The following RALYL variants were observed in gnomAD, a reference collection of about 807,000 sequenced individuals.
RALYL encodes RNA-binding Raly-like protein.
Under a neutral mutation model 35.1 loss-of-function variants are expected in RALYL, and 29 were observed. The ratio of observed to expected loss-of-function variants is 0.83; its 90% CI spans 0.61 to 1.13. RALYL has a LOEUF of 1.13. Among genes scored for constraint, RALYL ranks in the 50% most tolerant of loss-of-function variants. The pLI, the probability that RALYL is intolerant of heterozygous loss-of-function variation, is 0.00. For missense variants in RALYL, 359 were observed against 360.4 expected (o/e 1.00, Z 0.03); for synonymous variants, 120 against 127.6 (o/e 0.94, Z 0.40).
chr8:84,481,841 A>G (rs1363859217), intron 1 of RALYL, among the ~76,000 whole-genome samples: 1 of 152,148 alleles, frequency 6.6e-6, no homozygotes, highest in Non-Finnish European at 1.5e-5. Context: ...GGAATTGACA[A>G]GAAAATATTC....
intron 2 of RALYL, among the ~76,000 whole-genome samples, chr8:84,662,096 C>A (rs1831055570): frequency 6.6e-6 from 1 of 152,150 alleles, no homozygotes; most frequent in African/African-American, 2.4e-5. Flanking sequence ...CGTGTGACCT[C>A]TTTTCTAGCT....
chr8:84,740,511 C>G (rs1264139497), intron 2 of RALYL, among the ~76,000 whole-genome samples: 1 of 151,958 alleles, frequency 6.6e-6, no homozygotes. Context: ...TTAAAGGTAA[C>G]TTTTTATTGT....
intron 1 of RALYL, among the ~76,000 whole-genome samples, chr8:84,386,067 C>G (rs1859131048): frequency 1.3e-5 from 2 of 151,766 alleles, no homozygotes; most frequent in African/African-American, 4.8e-5. Context: ...GGCATCTTGG[C>G]AAAGCTGGGT....
chr8:84,871,278 G>A (rs1840142965), intron 6 of RALYL, among the ~76,000 whole-genome samples: 3 of 152,050 alleles, frequency 2.0e-5, no homozygotes, highest in South Asian at 2.1e-4. Context: ...GTTTTCTAAT[G>A]TAGTTTCAAT....
intron 2 of RALYL, among the ~76,000 whole-genome samples, chr8:84,601,388 A>T (rs945196733): frequency 6.6e-6 from 1 of 152,134 alleles, no homozygotes. Flanking sequence ...TCAAAAATGT[A>T]CTTAACAGTG....
chr8:84,793,998 T>C (rs553722798), intron 3 of RALYL, among the ~76,000 whole-genome samples: 10 of 152,284 alleles, frequency 6.6e-5, no homozygotes, highest in Middle Eastern at 3.4e-3. Flanking sequence ...GTTTCAAATG[T>C]TTTATTAAGA....
intron 2 of RALYL, among the ~76,000 whole-genome samples, chr8:84,568,781 T>A (rs1204891144): frequency 6.9e-6 from 1 of 144,810 alleles, no homozygotes; most frequent in Admixed American, 6.9e-5. Context: ...TGGTTTTGAT[T>A]TGCATTTCTC....
At position 84,748,208 on chromosome 8, in the gene RALYL, A is replaced by T. The variant is rs147643743; in HGVS notation, c.257-26371A>T. The stretch of plus-strand genomic sequence containing the variant: ...TCTTTTGACTCTTGGCCATGATTCA[A>T]CAGAGAGTATATGAATACAAGCATA... On this transcript the variant is annotated intron_variant, in intron 2 of 8. Coordinates refer to ENST00000521268, the MANE Select transcript of RALYL (RefSeq NM_173848.7). 2.0e-4 allele frequency among the ~76,000 whole-genome samples: 31 copies of T among 152,124 alleles called. No individual in the cohort carries two copies. The East Asian group carries it at 5.6e-3, about 27-fold the overall frequency.
chr8:84,618,039 T>G (rs1170067697), intron 2 of RALYL, among the ~76,000 whole-genome samples: 2 of 151,854 alleles, frequency 1.3e-5, no homozygotes, highest in Non-Finnish European at 2.9e-5. Context: ...ATCAAGGATA[T>G]TGGTCTAAAA....
intron 1 of RALYL, among the ~76,000 whole-genome samples, chr8:84,364,362 C>T (rs190274144): frequency 6.6e-6 from 1 of 152,196 alleles, no homozygotes; most frequent in East Asian, 1.9e-4. Flanking sequence ...AGATATTTAT[C>T]TGCTTTGACA....
chr8:84,636,900 G>A (rs1825181880), intron 2 of RALYL, among the ~76,000 whole-genome samples: 1 of 151,752 alleles, frequency 6.6e-6, no homozygotes, highest in South Asian at 2.1e-4. Flanking sequence ...CTCCCTCATG[G>A]CTTATTTCTC....
chr8:84,635,921 A>T (rs1473028039), intron 2 of RALYL, among the ~76,000 whole-genome samples: 1 of 151,754 alleles, frequency 6.6e-6, no homozygotes, highest in African/African-American at 2.4e-5. Flanking sequence ...TGGTTTTCTT[A>T]ATCTGAACAT....
At chr8:84,755,727 T>G (rs537516525) in intron 2 of RALYL, among the ~76,000 whole-genome samples, 1 of 152,146 alleles carries the variant, frequency 6.6e-6, no homozygotes, top group South Asian at 2.1e-4. Context: ...AAGGTGATAA[T>G]AGAATTATGT....
At chr8:84,416,843 C>T (rs1019258674) in intron 1 of RALYL, among the ~76,000 whole-genome samples, 6 of 152,158 alleles carry the variant, frequency 3.9e-5, no homozygotes, top group Non-Finnish European at 8.8e-5. Context: ...TTACCCAATT[C>T]TTAAAGTTGC....
At chr8:84,587,817 A>G (rs1812335856) in intron 2 of RALYL, among the ~76,000 whole-genome samples, 1 of 152,238 alleles carries the variant, frequency 6.6e-6, no homozygotes, top group Non-Finnish European at 1.5e-5. Flanking sequence ...ACATTCTACT[A>G]AGGATGGCTG....
chr8:84,807,685 T>A (rs1824970895), intron 4 of RALYL, among the ~76,000 whole-genome samples: 1 of 152,154 alleles, frequency 6.6e-6, no homozygotes, highest in Non-Finnish European at 1.5e-5. Flanking sequence ...CTACTGTTTT[T>A]TGATTTTTTG....
At chr8:84,837,665 A>G (rs1228790913) in intron 4 of RALYL, among the ~76,000 whole-genome samples, 1 of 152,226 alleles carries the variant, frequency 6.6e-6, no homozygotes, top group Admixed American at 6.5e-5. Flanking sequence ...GTAATAAAAG[A>G]AACAGTGTGG....
chr8:84,847,917 G>C (rs1193423869), intron 4 of RALYL, among the ~76,000 whole-genome samples: 12 of 152,136 alleles, frequency 7.9e-5, no homozygotes, highest in Admixed American at 6.5e-4. Context: ...TCTGCTCTTA[G>C]ATCAGGATTT....
chr8:84,186,603 A>C (rs890564685), intron 1 of RALYL, among the ~76,000 whole-genome samples: 1 of 152,196 alleles, frequency 6.6e-6, no homozygotes, highest in Non-Finnish European at 1.5e-5. Context: ...TGGGCAAAGC[A>C]CTAGCTGTAC....
Sources: allele counts gnomAD v4.1 joint callset (sites outside exome capture counted in the v4.1 genomes callset), GRCh38; gene constraint gnomAD v4.1.1; transcripts MANE v1.5; gene names NCBI Gene and HGNC (gene_info 2026-07-23, HGNC 2026-07-21).